The following CA10 variants were observed in gnomAD, a reference collection of about 807,000 sequenced individuals.
CA10 encodes the protein carbonic anhydrase-related protein 10.
A neutral mutation model predicts 44.2 loss-of-function variants in CA10; 14 were observed. The observed-to-expected ratio is 0.32, with a 90% CI of 0.21 to 0.50. The LOEUF (loss-of-function observed/expected upper bound fraction) is 0.50. Ranked by LOEUF, CA10 falls within the 20% of genes least tolerant of loss-of-function variation. The pLI, the probability that CA10 is intolerant of heterozygous loss-of-function variation, is 0.99. For synonymous variants in CA10, 159 were observed against 141.6 expected, an observed-to-expected ratio of 1.12 and a Z score of -0.87; for missense variants, 350 against 409.7, an observed-to-expected ratio of 0.85 and a Z score of 1.26.
At chr17:51,776,176 G>A (rs939135136) in intron 3 of CA10, among the ~76,000 whole-genome samples, 3 of 152,046 alleles carry the variant, frequency 2.0e-5, no homozygotes, top group Admixed American at 6.5e-5. Context: ...CCTGACCAAC[G>A]TGGCAAAAGC....
rs1912557814 is a variant in CA10 at position 51,631,278 on chromosome 17, G to A, written c.*306C>T. On this transcript the variant is annotated 3_prime_UTR_variant, in exon 9 of 9. Transcript: ENST00000451037. ...TTTTCTTCTAAGACCTCTTATGAAT[G>A]AGACTTTTGTTTCTGAAACTTGACT... 1 of 349,250 alleles carries A rather than the reference G, an allele frequency of 2.9e-6. No homozygotes were observed. The highest frequency in any genetic ancestry group is 6.1e-5 in the South Asian group (1 of 16,416). The allele number at this position is 349,250 out of a possible 1,614,324, so 21.6% of individuals were successfully genotyped here. A position where few individuals can be genotyped will look rare whatever the true frequency, so the allele number is the denominator to read the frequency against.
chr17:51,912,685 A>G (rs1002112001), intron 3 of CA10, among the ~76,000 whole-genome samples: 1 of 152,168 alleles, frequency 6.6e-6, no homozygotes, highest in African/African-American at 2.4e-5. Flanking sequence ...TGTGCAATGA[A>G]AGGGAATATT....
At chr17:51,741,207 G>A (rs1183646415) in intron 4 of CA10, among the ~76,000 whole-genome samples, 3 of 152,202 alleles carry the variant, frequency 2.0e-5, no homozygotes, top group African/African-American at 7.2e-5. Context: ...AGATTGTGCT[G>A]CACAGTAACT....
intron 3 of CA10, among the ~76,000 whole-genome samples, chr17:51,920,755 C>A (rs1598118433): frequency 6.6e-6 from 1 of 152,150 alleles, no homozygotes; most frequent in African/African-American, 2.4e-5. Context: ...GCACTGAATC[C>A]ATTTCCCAAC....
intron 2 of CA10, among the ~76,000 whole-genome samples, chr17:52,051,833 G>A (rs1987080129): frequency 6.6e-6 from 1 of 152,052 alleles, no homozygotes; most frequent in Admixed American, 6.6e-5. Flanking sequence ...GCATACATAT[G>A]TTCACTGTAG....
At chr17:52,107,150 CA>C (rs1477181073) in intron 1 of CA10, among the ~76,000 whole-genome samples, 1 of 152,190 alleles carries the variant, frequency 6.6e-6, no homozygotes, top group Admixed American at 6.5e-5. Context: ...AGGACAGGCA[CA>C]AGGCCCCTTT....
intron 2 of CA10, among the ~76,000 whole-genome samples, chr17:52,046,782 C>A (rs1986924291): frequency 6.6e-6 from 1 of 151,786 alleles, no homozygotes; most frequent in Non-Finnish European, 1.5e-5. Context: ...GTTCAAAAAT[C>A]TTTAACAAAG....
chr17:52,146,296 A>T (rs543154357), intron 1 of CA10, among the ~76,000 whole-genome samples: 1 of 152,208 alleles, frequency 6.6e-6, no homozygotes, highest in Admixed American at 6.5e-5. Flanking sequence ...ACTTTGGTTC[A>T]CGCCTGTAAT....
chr17:51,710,926 T>C lies in CA10; in HGVS notation c.465+36707A>G, dbSNP rs1250335726. On this transcript the variant is annotated intron_variant, in intron 4 of 8. Transcript: ENST00000451037. ...AAAGACTGAACAACATTTTGCTTTT[T>C]TTTTTTTTTTTTTTTTTTGCTTCAC... Among the ~76,000 whole-genome samples, 20 of 141,568 alleles carry C rather than the reference T, an allele frequency of 1.4e-4. No individual in the cohort carries two copies. In the East Asian group the frequency reaches 3.8e-3, roughly 27 times the overall value. 92.9% of individuals were successfully genotyped at this position (141,568 alleles called of 152,430 possible).
At chr17:51,647,205 C>A (rs897590735) in intron 6 of CA10, among the ~76,000 whole-genome samples, 1 of 152,184 alleles carries the variant, frequency 6.6e-6, no homozygotes, top group Non-Finnish European at 1.5e-5. Context: ...TTTCTTGCCA[C>A]TCCCTCTGCC....
intron 3 of CA10, among the ~76,000 whole-genome samples, chr17:51,875,098 C>A (rs1019115141): frequency 1.3e-5 from 2 of 152,138 alleles, no homozygotes; most frequent in Non-Finnish European, 2.9e-5. Flanking sequence ...CTCAACCTCC[C>A]AAGTAGCTGG....
intron 2 of CA10, among the ~76,000 whole-genome samples, chr17:51,981,453 G>T (rs1984651069): frequency 6.6e-6 from 1 of 151,982 alleles, no homozygotes; most frequent in Admixed American, 6.6e-5. Flanking sequence ...TATATTATAT[G>T]AAATTCTAGG....
intron 3 of CA10, among the ~76,000 whole-genome samples, chr17:51,834,714 CTG>C (rs369241868): frequency 3.9e-4 from 59 of 152,330 alleles, no homozygotes; most frequent in African/African-American, 1.3e-3. Flanking sequence ...TCTCCACTTA[CTG>C]TGAGTCCTTG....
chr17:51,821,661 G>C (rs9905188), intron 3 of CA10, among the ~76,000 whole-genome samples: 2,934 of 152,050 alleles, frequency 0.019, 126 homozygotes, highest in African/African-American at 0.067. Context: ...GAGCTCCTCA[G>C]TGGCTTCTCA....
intron 3 of CA10, among the ~76,000 whole-genome samples, chr17:51,774,982 A>G (rs1436154127): frequency 6.6e-6 from 1 of 152,066 alleles, no homozygotes; most frequent in African/African-American, 2.4e-5. Context: ...CCCTCCTCTT[A>G]CAGATGGGTA....
At chr17:51,750,812 G>A (rs900572992) in intron 3 of CA10, among the ~76,000 whole-genome samples, 1 of 152,188 alleles carries the variant, frequency 6.6e-6, no homozygotes, top group African/African-American at 2.4e-5. Context: ...TGTGCCATTG[G>A]GCAAGTATCT....
At chr17:52,032,067 C>G (rs1443107891) in intron 2 of CA10, among the ~76,000 whole-genome samples, 2 of 152,128 alleles carry the variant, frequency 1.3e-5, no homozygotes, top group Non-Finnish European at 2.9e-5. Context: ...CCTCTCAACC[C>G]AAGGAGGTCA....
chr17:51,747,561 A>G (rs2143605464), intron 4 of CA10, 72 bp downstream of exon 4: 2 of 1,250,930 alleles, frequency 1.6e-6, no homozygotes, highest in Admixed American at 4.3e-5. Context: ...ATGTTATCCC[A>G]TCTTGGACAC....
intron 3 of CA10, among the ~76,000 whole-genome samples, chr17:51,910,414 T>G (rs1981743408): frequency 6.6e-6 from 1 of 152,154 alleles, no homozygotes; most frequent in African/African-American, 2.4e-5. Context: ...AATTGTTTTG[T>G]TCTTCCTTCT....
Sources: gnomAD v4.1 joint callset for allele counts (sites outside exome capture counted in the v4.1 genomes callset) on GRCh38, gnomAD v4.1.1 for gene constraint, MANE v1.5 for transcripts, NCBI Gene and HGNC (gene_info 2026-07-23, HGNC 2026-07-21) for gene names.